Variants in DCUN1D1 observed in about 807,000 individuals in gnomAD.
The protein encoded by DCUN1D1 is DCN1-like protein 1.
In DCUN1D1, 3 loss-of-function variants were observed where a neutral mutation model predicts 39.0. The observed-to-expected ratio is 0.08, with a 90% CI of 0.04 to 0.20. The LOEUF (loss-of-function observed/expected upper bound fraction) is 0.20, where lower values mean the gene tolerates loss of function less well. Among genes scored for constraint, DCUN1D1 ranks in the 10% least tolerant of loss-of-function variants. The pLI is 1.00. For missense variants in DCUN1D1, 158 were observed against 302.4 expected (o/e 0.52, Z 3.54); for synonymous variants, 82 against 96.3 (o/e 0.85, Z 0.87).
intron 3 of DCUN1D1, among the ~76,000 whole-genome samples, chr3:182,961,629 C>T (rs936464672): frequency 6.6e-6 from 1 of 152,188 alleles, no homozygotes; most frequent in Non-Finnish European, 1.5e-5. Context: ...ACTATCAACA[C>T]TTTCACTAGT....
intron 3 of DCUN1D1, among the ~76,000 whole-genome samples, chr3:182,963,071 C>T (rs537947748): frequency 1.2e-3 from 186 of 152,288 alleles, no homozygotes; most frequent in Non-Finnish European, 2.1e-3. Context: ...TGAGCCACCG[C>T]GCCTAGCCCC....
chr3:182,947,112 AAAAC>A (rs962769974), intron 6 of DCUN1D1, 122 bp downstream of exon 6: 3 of 600,196 alleles, frequency 5.0e-6, no homozygotes, highest in African/African-American at 1.9e-5. Flanking sequence ...AAAAAAAACA[AAAAC>A]AAAACAAAAG....
intron 4 of DCUN1D1, chr3:182,955,929 CTTTTTTTTT>C (rs71185615): frequency 7.6e-6 from 1 of 132,194 alleles, no homozygotes; most frequent in East Asian, 2.2e-4. Flanking sequence ...GCTTATCAAA[CTTTTTTTTT>C]TTTTTTTTGA....
intron 4 of DCUN1D1, among the ~76,000 whole-genome samples, chr3:182,953,723 CA>C (rs1726872515): frequency 6.6e-6 from 1 of 152,010 alleles, no homozygotes; most frequent in Non-Finnish European, 1.5e-5. Context: ...GATAAGGTAA[CA>C]AGAAGCAACA....
At chr3:182,949,581 A>G (rs1225278455) in intron 4 of DCUN1D1, among the ~76,000 whole-genome samples, 2 of 151,964 alleles carry the variant, frequency 1.3e-5, no homozygotes, top group East Asian at 1.9e-4. Context: ...TTAGCCATTC[A>G]TGGTGGTGCA....
At position 182,947,700 on chromosome 3, in the gene DCUN1D1, A is replaced by G. The variant is rs1421883047; in HGVS notation, c.521-68T>C. On this transcript the variant is annotated intron_variant, in intron 4 of 6. Transcript: ENST00000292782. ...ATTTGTCCCTGCAAAAATAACAAAC[A>G]AACAAAAAAACAGGTATGACCAAAG... 9.9e-6 allele frequency: 9 copies of G among 912,750 alleles called. No homozygotes were observed. The East Asian group carries it at 1.8e-4, about 18-fold the overall frequency. 56.5% of individuals were successfully genotyped at this position (912,750 alleles called of 1,614,324 possible).
intron 1 of DCUN1D1, among the ~76,000 whole-genome samples, chr3:182,975,851 TAAAAAAAAAAAA>T (rs533263687): frequency 3.0e-5 from 2 of 66,818 alleles, no homozygotes; most frequent in African/African-American, 6.0e-5. Flanking sequence ...CCAGATATGC[TAAAAAAAAAAAA>T]AAAAAAAAAA....
chr3:182,954,759 C>T (rs187868616), intron 4 of DCUN1D1, among the ~76,000 whole-genome samples: 51 of 152,240 alleles, frequency 3.3e-4, no homozygotes, highest in Non-Finnish European at 6.0e-4. Context: ...GAGTCATTTA[C>T]TTGAGATCAT....
chr3:182,956,981 T>C (rs1727106932), intron 4 of DCUN1D1, among the ~76,000 whole-genome samples: 1 of 152,200 alleles, frequency 6.6e-6, no homozygotes, highest in African/African-American at 2.4e-5. Context: ...AAATGTCTCC[T>C]GTAAGAAGAA....
chr3:182,972,116 T>G (rs1727974843), intron 1 of DCUN1D1, among the ~76,000 whole-genome samples: 1 of 150,850 alleles, frequency 6.6e-6, no homozygotes, highest in Admixed American at 6.6e-5. Context: ...AAGTTATTTT[T>G]AAGACAAGCA....
intron 1 of DCUN1D1, among the ~76,000 whole-genome samples, chr3:182,979,176 T>C (rs1053324482): frequency 2.6e-5 from 4 of 152,172 alleles, no homozygotes; most frequent in Admixed American, 2.0e-4. Flanking sequence ...ACTTTAAAGT[T>C]TTCTTACCAA....
intron 1 of DCUN1D1, among the ~76,000 whole-genome samples, chr3:182,977,259 T>C (rs1728282591): frequency 6.6e-6 from 1 of 152,206 alleles, no homozygotes. Flanking sequence ...TTCAATTTCT[T>C]CTTGTGTAAA....
chr3:182,949,677 T>C (rs1357256672), intron 4 of DCUN1D1, among the ~76,000 whole-genome samples: 2 of 152,106 alleles, frequency 1.3e-5, no homozygotes, highest in Admixed American at 6.5e-5. Flanking sequence ...GCTATGATCA[T>C]GCCACTGCAC....
chr3:182,951,617 C>CAA (rs748698621), intron 4 of DCUN1D1, among the ~76,000 whole-genome samples: 519 of 44,374 alleles, frequency 0.012, 39 homozygotes, highest in Middle Eastern at 0.05. Context: ...CCCTGTCTCC[C>CAA]AAAAAAAAAA....
chr3:182,947,911 G>C (rs996119779), intron 4 of DCUN1D1, among the ~76,000 whole-genome samples: 2 of 152,176 alleles, frequency 1.3e-5, no homozygotes, highest in African/African-American at 4.8e-5. Flanking sequence ...AAACATAGTA[G>C]CTCACAAAAG....
intron 4 of DCUN1D1, among the ~76,000 whole-genome samples, chr3:182,950,294 C>T (rs1318979323): frequency 4.6e-5 from 7 of 151,890 alleles, no homozygotes; most frequent in Non-Finnish European, 8.8e-5. Flanking sequence ...ATTACAGGAA[C>T]GCACCACCAC....
chr3:182,981,001 G>C (rs1728525484), upstream of DCUN1D1: 1 of 152,086 alleles, frequency 6.6e-6, no homozygotes, highest in Admixed American at 6.5e-5. Flanking sequence ...ATCAAAAAAA[G>C]GGAGAAGATA....
intron 1 of DCUN1D1, among the ~76,000 whole-genome samples, chr3:182,968,625 G>C (rs1445236693): frequency 6.6e-6 from 1 of 151,014 alleles, no homozygotes; most frequent in Non-Finnish European, 1.5e-5. Flanking sequence ...TTTTGAGACG[G>C]AGTCTCGCTC....
intron 1 of DCUN1D1, among the ~76,000 whole-genome samples, chr3:182,971,504 T>TA (rs1449136615): frequency 6.7e-6 from 1 of 149,554 alleles, no homozygotes; most frequent in Non-Finnish European, 1.5e-5. Flanking sequence ...GCCCGGGAGA[T>TA]AGAGGCTGCA....
Sources: allele counts gnomAD v4.1 joint callset (sites outside exome capture counted in the v4.1 genomes callset), GRCh38; gene constraint gnomAD v4.1.1; transcripts MANE v1.5; gene names NCBI Gene and HGNC (gene_info 2026-07-23, HGNC 2026-07-21).